The following CASP6 variants were observed in gnomAD, a reference collection of about 807,000 sequenced individuals.
The protein encoded by CASP6 is caspase 6.
CASP6 carries 20 observed loss-of-function variants against 31.8 expected under a neutral mutation model. The observed-to-expected ratio is 0.63, with a 90% CI of 0.44 to 0.91. The LOEUF (loss-of-function observed/expected upper bound fraction) is 0.91. CASP6 is among the 40% of genes least tolerant of loss of function. The probability of loss-of-function intolerance (pLI) is 0.00; values close to 1 mark genes in which losing one functional copy is unlikely to be tolerated. For synonymous variants in CASP6, 130 were observed against 127.8 expected, an observed-to-expected ratio of 1.02 and a Z score of -0.12; for missense variants, 328 against 361.1, an observed-to-expected ratio of 0.91 and a Z score of 0.74.
At chr4:109,703,328 C>T (rs1579115759) in intron 1 of CASP6, 28 bp downstream of exon 1, 2 of 1,599,902 alleles carry the variant, frequency 1.3e-6, no homozygotes, top group Non-Finnish European at 1.7e-6. Flanking sequence ...CAGACCTGCT[C>T]GGTGCCCAGT....
chr4:109,683,028 A>C, the CASP6 span: 1 of 246,378 alleles, frequency 4.1e-6, no homozygotes, highest in Non-Finnish European at 7.7e-6. Flanking sequence ...TCCAGAGATC[A>C]GTCATAATGT....
chr4:109,703,319 A>T (rs1158802637), intron 1 of CASP6, 37 bp downstream of exon 1: 1 of 1,594,900 alleles, frequency 6.3e-7, no homozygotes, highest in African/African-American at 1.3e-5. Flanking sequence ...AGCAAGACGC[A>T]GACCTGCTCG....
chr4:109,697,532 G>T, intron 3 of CASP6, 90 bp downstream of exon 3: 1 of 1,445,576 alleles, frequency 6.9e-7, no homozygotes, highest in Admixed American at 2.4e-5. Context: ...TTCCCAAAGT[G>T]CTGGGATTAC....
At chr4:109,682,655 G>A in the CASP6 span, 1 of 1,612,592 alleles carries the variant, frequency 6.2e-7, no homozygotes, top group Middle Eastern at 1.7e-4. Flanking sequence ...TTACAATCTT[G>A]CATTTAGAAG....
chr4:109,696,288 C>T, intron 4 of CASP6, 122 bp downstream of exon 4: 2 of 653,682 alleles, frequency 3.1e-6, no homozygotes, highest in Middle Eastern at 3.2e-4. Flanking sequence ...AAACCTGTAA[C>T]CTGTGCTAAA....
At chr4:109,679,772 G>C in the CASP6 span, among the ~76,000 whole-genome samples, 106,980 of 152,070 alleles carry the variant, frequency 0.7, 38,483 homozygotes, top group African/African-American at 0.86. Context: ...TTTCTCTCCC[G>C]CTTTGAGGTA....
chr4:109,708,256 T>C (rs370032322), upstream of CASP6, among the ~76,000 whole-genome samples: 197 of 152,346 alleles, frequency 1.3e-3, 2 homozygotes, highest in Middle Eastern at 0.01. Flanking sequence ...GAAATCACTG[T>C]CTTAGTAACT....
chr4:109,705,182 C>A (rs1162224553), upstream of CASP6, among the ~76,000 whole-genome samples: 1 of 152,206 alleles, frequency 6.6e-6, no homozygotes, highest in Non-Finnish European at 1.5e-5. Context: ...CTTTACCATT[C>A]TGAAAATCCT....
intron 1 of CASP6, among the ~76,000 whole-genome samples, chr4:109,700,734 T>G (rs986282077): frequency 1.3e-5 from 2 of 152,190 alleles, no homozygotes; most frequent in Non-Finnish European, 2.9e-5. Flanking sequence ...CAGTACCAGT[T>G]AATGACCAGG....
rs751411996 is a variant in CASP6 at position 109,691,006 on chromosome 4, A to G, written c.487T>C (p.Cys163Arg). The G allele has an allele frequency of 6.2e-6, 10 of 1,609,932 alleles. No individual in the cohort carries two copies. In the African/African-American group the frequency reaches 9.4e-5, roughly 15 times the overall value. ...GGCACATCGTGCTGGTTTCCCCGAC[A>G]TGCCTACAAGACAAGGAGGAAAAAC... Reference protein sequence around the residue: ...GKPKIFIIQACRGNQHDVPVI... With the variant: ...GKPKIFIIQARRGNQHDVPVI... The change falls in exon 6 of 7, where the codon TGT becomes CGT. Residue 163 changes from cysteine (C) to arginine (R), a missense_variant. Transcript: ENST00000265164.
At chr4:109,690,522 CA>C (rs35382792) in intron 6 of CASP6, among the ~76,000 whole-genome samples, 270 of 130,722 alleles carry the variant, frequency 2.1e-3, no homozygotes, top group East Asian at 3.4e-3. Context: ...GACCTTGTCT[CA>C]AAAAAAAAAA....
rs767359190 is a variant in CASP6 at position 109,689,261 on chromosome 4, G to T, written c.*69C>A. ...CTCCCAAAGTGCTGGGATTACAGGTGTGAGTAACCACGCCTGGCTGAGAAA... is the reference window on the plus strand; with the variant it reads ...CTCCCAAAGTGCTGGGATTACAGGTTTGAGTAACCACGCCTGGCTGAGAAA... On this transcript the variant is annotated 3_prime_UTR_variant, in exon 7 of 7. Coordinates refer to ENST00000265164, the MANE Select transcript of CASP6 (RefSeq NM_001226.4). 6 of 1,453,546 alleles carry T rather than the reference G, an allele frequency of 4.1e-6. No homozygotes were observed. The highest frequency in any genetic ancestry group is 5.8e-6 in the Non-Finnish European group (6 of 1,043,258). The allele number at this position is 1,453,546 out of a possible 1,614,324, so 90.0% of individuals were successfully genotyped here. A position where few individuals can be genotyped will look rare whatever the true frequency, so the allele number is the denominator to read the frequency against.
At chr4:109,703,690 G>T (rs1730510471), upstream of CASP6, 4 of 490,090 alleles carry the variant, frequency 8.2e-6, no homozygotes, top group East Asian at 3.5e-5. Flanking sequence ...CTGGGGACAT[G>T]CCAGTTGCCA....
chr4:109,708,703 G>A, the CASP6 span, among the ~76,000 whole-genome samples: 9 of 152,158 alleles, frequency 5.9e-5, no homozygotes, highest in Non-Finnish European at 1.3e-4. Context: ...TTCTCCATAA[G>A]TATCTTATTA....
chr4:109,691,660 T>C (rs1259530763), intron 5 of CASP6, among the ~76,000 whole-genome samples: 1 of 152,202 alleles, frequency 6.6e-6, no homozygotes, highest in Admixed American at 6.5e-5. Flanking sequence ...ACAAGCTGAA[T>C]TGTGTTCCCC....
At position 109,703,295 on chromosome 4, in the gene CASP6, TC is replaced by T; in HGVS notation, c.40+60del. On this transcript the variant is annotated intron_variant, in intron 1 of 6. Coordinates refer to ENST00000265164, the MANE Select transcript of CASP6 (RefSeq NM_001226.4). ...CGCGCCCGGTCCACTAACCCTCGTTTCCCCTCCAGCCGGAGCAAGACGCAGA... is the reference window on the plus strand; with the variant it reads ...CGCGCCCGGTCCACTAACCCTCGTTTCCCTCCAGCCGGAGCAAGACGCAGA... 5 of 1,561,190 alleles carry T rather than the reference TC, an allele frequency of 3.2e-6. No individual in the cohort carries two copies. In the South Asian group the frequency reaches 4.7e-5, roughly 15 times the overall value.
At chr4:109,699,578 TA>T (rs1730356013) in intron 1 of CASP6, among the ~76,000 whole-genome samples, 1 of 152,222 alleles carries the variant, frequency 6.6e-6, no homozygotes, top group African/African-American at 2.4e-5. Flanking sequence ...GTGTGCATGT[TA>T]AAATGCAGAT....
chr4:109,677,289 G>A, the CASP6 span, among the ~76,000 whole-genome samples: 9 of 152,286 alleles, frequency 5.9e-5, no homozygotes, highest in African/African-American at 2.2e-4. Context: ...CTCCAGCTGT[G>A]AGTTTGATTT....
chr4:109,687,446 C>T, downstream of CASP6: 2 of 1,076,950 alleles, frequency 1.9e-6, no homozygotes, highest in Middle Eastern at 2.0e-4. Flanking sequence ...TATAGAATTC[C>T]TCTCAAGCAG....
Sources: gnomAD v4.1 joint callset for allele counts (sites outside exome capture counted in the v4.1 genomes callset) on GRCh38, gnomAD v4.1.1 for gene constraint, MANE v1.5 for transcripts, NCBI Gene and HGNC (gene_info 2026-07-23, HGNC 2026-07-21) for gene names.